RNLS: variants seen among roughly 807,000 people sequenced by gnomAD.
The protein encoded by RNLS is renalase.
In RNLS, 39 loss-of-function variants were observed where a neutral mutation model predicts 39.8. The observed-to-expected ratio is 0.98, with a 90% CI of 0.76 to 1.28. The LOEUF (loss-of-function observed/expected upper bound fraction) is 1.28. Among genes scored for constraint, RNLS ranks in the 50% most tolerant of loss-of-function variants. The probability of loss-of-function intolerance (pLI) is 0.00; values close to 1 mark genes in which losing one functional copy is unlikely to be tolerated. For missense variants in RNLS, 410 were observed against 413.3 expected (o/e 0.99, Z 0.07); for synonymous variants, 147 against 150.7 (o/e 0.98, Z 0.18).
intron 4 of RNLS, among the ~76,000 whole-genome samples, chr10:88,414,748 C>T (rs1055059874): frequency 2.0e-5 from 3 of 152,136 alleles, no homozygotes; most frequent in African/African-American, 7.2e-5. Context: ...GTTCTATCAA[C>T]CTGCCCATTA....
intron 5 of RNLS, among the ~76,000 whole-genome samples, chr10:88,332,515 A>T (rs1847191299): frequency 1.3e-5 from 2 of 152,262 alleles, no homozygotes; most frequent in South Asian, 4.1e-4. Context: ...GCAGTTGTTT[A>T]CATATCTAGT....
downstream of RNLS, among the ~76,000 whole-genome samples, chr10:88,281,218 G>T (rs1368069627): frequency 2.6e-5 from 4 of 152,168 alleles, no homozygotes; most frequent in Non-Finnish European, 4.4e-5. Flanking sequence ...TGCACAGTAA[G>T]AACTTATTTG....
rs368376356 is a variant in RNLS, at chr10:88,300,609, T to C, written c.876+13857A>G. On this transcript the variant is annotated intron_variant, in intron 6 of 6. Transcript: ENST00000331772. ...CTGTGCTCACATAGTATATTGTACA[T>C]AGTTTTTGTATGGCAAACTGTACTA... 1.1e-3 allele frequency among the ~76,000 whole-genome samples: 160 copies of C among 152,330 alleles called. 2 individuals carry two copies. The South Asian group carries it at 0.032, about 30-fold the overall frequency.
chr10:88,540,466 C>T (rs1008988803), intron 4 of RNLS, among the ~76,000 whole-genome samples: 1 of 152,088 alleles, frequency 6.6e-6, no homozygotes, highest in Non-Finnish European at 1.5e-5. Flanking sequence ...TTAGAGAATG[C>T]AGCTTAATCG....
intron 4 of RNLS, among the ~76,000 whole-genome samples, chr10:88,558,390 T>A (rs561450356): frequency 6.6e-6 from 1 of 152,314 alleles, no homozygotes; most frequent in South Asian, 2.1e-4. Context: ...GTGCTTAACA[T>A]AAGTATTCAC....
At chr10:88,259,085 C>T in the RNLS span, 4 of 152,332 alleles carry the variant, frequency 2.6e-5, no homozygotes, top group African/African-American at 9.6e-5. Context: ...TTACTTTCTA[C>T]TTATCATTAT....
At chr10:88,485,507 GA>G (rs1844441788) in intron 4 of RNLS, among the ~76,000 whole-genome samples, 1 of 151,520 alleles carries the variant, frequency 6.6e-6, no homozygotes, top group African/African-American at 2.4e-5. Context: ...ACTTCTTGAA[GA>G]AAAGTTTGAA....
At chr10:88,196,057 T>G in the RNLS span, among the ~76,000 whole-genome samples, 1 of 152,142 alleles carries the variant, frequency 6.6e-6, no homozygotes, top group Admixed American at 6.5e-5. Flanking sequence ...ATGGGGACTC[T>G]GAGACCCAAG....
chr10:88,364,596 A>G (rs1353121176), intron 4 of RNLS, among the ~76,000 whole-genome samples: 1 of 152,146 alleles, frequency 6.6e-6, no homozygotes, highest in African/African-American at 2.4e-5. Flanking sequence ...GCTCATCTGC[A>G]AGTCTGAGTT....
chr10:88,305,847 A>G (rs1271695957), intron 6 of RNLS, among the ~76,000 whole-genome samples: 1 of 152,194 alleles, frequency 6.6e-6, no homozygotes, highest in East Asian at 1.9e-4. Context: ...TATCTACAGA[A>G]CTGTCCACCA....
chr10:88,206,661 T>G, the RNLS span, among the ~76,000 whole-genome samples: 1 of 152,180 alleles, frequency 6.6e-6, no homozygotes, highest in Non-Finnish European at 1.5e-5. Context: ...AATAGTTGGT[T>G]GCTGCGGTAG....
chr10:88,318,129 C>T (rs1589537271), intron 5 of RNLS, among the ~76,000 whole-genome samples: 1 of 152,192 alleles, frequency 6.6e-6, no homozygotes, highest in Admixed American at 6.5e-5. Context: ...TGGGACACTG[C>T]CCTGCCCAGG....
chr10:88,372,533 C>T (rs887554274), intron 4 of RNLS, among the ~76,000 whole-genome samples: 12 of 152,104 alleles, frequency 7.9e-5, no homozygotes, highest in Admixed American at 7.9e-4. Context: ...ACCGAAATGA[C>T]ATTCAGTCGT....
chr10:88,355,651 C>T (rs995624051), intron 5 of RNLS, among the ~76,000 whole-genome samples: 3 of 152,144 alleles, frequency 2.0e-5, no homozygotes, highest in African/African-American at 4.8e-5. Flanking sequence ...ATAGGCTACT[C>T]GGGGGTCAGG....
chr10:88,348,019 C>T (rs964355814), intron 5 of RNLS, among the ~76,000 whole-genome samples: 2 of 152,136 alleles, frequency 1.3e-5, no homozygotes, highest in Non-Finnish European at 2.9e-5. Flanking sequence ...GTTTGTTACA[C>T]ACTTATTACT....
chr10:88,531,638 T>A (rs915725078), intron 4 of RNLS, among the ~76,000 whole-genome samples: 4 of 152,040 alleles, frequency 2.6e-5, no homozygotes, highest in Admixed American at 6.6e-5. Flanking sequence ...CTTTATTCAT[T>A]CAGTAATTTT....
At chr10:88,416,780 T>C (rs1346811545) in intron 4 of RNLS, among the ~76,000 whole-genome samples, 1 of 152,176 alleles carries the variant, frequency 6.6e-6, no homozygotes, top group African/African-American at 2.4e-5. Flanking sequence ...AAAAAGGATG[T>C]GGCAATTTTA....
the RNLS span, among the ~76,000 whole-genome samples, chr10:88,203,987 C>T: frequency 6.6e-6 from 1 of 152,052 alleles, no homozygotes; most frequent in Non-Finnish European, 1.5e-5. Context: ...AGTATTTTCT[C>T]ATTTAATGTT....
chr10:88,582,214 T>C lies in RNLS; in HGVS notation c.212A>G (p.Lys71Arg). 6.2e-7 allele frequency: 1 copy of C among 1,613,404 alleles called. No homozygotes were observed. Among genetic ancestry groups the C allele is most frequent in the Non-Finnish European group, 8.5e-7 (1 of 1,179,636 alleles). Reference protein sequence around the residue: ...QYITCTPHYAKKHQRFYDELL... With the variant: ...QYITCTPHYARKHQRFYDELL... ...GCAACTAACTCACCGTTGGTGTTTT[T>C]TGGCATAATGAGGAGTGCAGGTGAT... is the stretch of plus-strand genomic sequence containing the variant. Residue 71 changes from lysine (K) to arginine (R), a missense_variant, in exon 2 of 7, where the codon AAA (lysine) becomes AGA (arginine). By Grantham distance (26) the Lys-to-Arg change is conservative. Transcript: ENST00000331772.
Sources: allele counts gnomAD v4.1 joint callset (sites outside exome capture counted in the v4.1 genomes callset), GRCh38; gene constraint gnomAD v4.1.1; transcripts MANE v1.5; gene names NCBI Gene and HGNC (gene_info 2026-07-23, HGNC 2026-07-21).